The following COL4A1 variants were observed in gnomAD, a reference collection of about 807,000 sequenced individuals.
COL4A1 encodes the protein collagen type IV alpha 1 chain.
COL4A1 carries 40 observed loss-of-function variants against 216.6 expected under a neutral mutation model. That is an observed-to-expected ratio of 0.18 (90% CI 0.14 to 0.24). COL4A1 has a LOEUF of 0.24. Among genes scored for constraint, COL4A1 ranks in the 10% least tolerant of loss-of-function variants. COL4A1 has a pLI of 1.00. For missense variants in COL4A1, 1,628 were observed against 2,196.8 expected, an observed-to-expected ratio of 0.74 and a Z score of 5.18; for synonymous variants, 839 against 810.7, an observed-to-expected ratio of 1.03 and a Z score of -0.59.
At chr13:110,264,910 G>A (rs1001580483) in intron 1 of COL4A1, among the ~76,000 whole-genome samples, 2 of 152,188 alleles carry the variant, frequency 1.3e-5, no homozygotes, top group African/African-American at 4.8e-5. Flanking sequence ...CTGAGATCTG[G>A]GACATGCTTT....
In COL4A1 at chr13:110,261,054, A is replaced by AAAAG. The variant is rs55876963; in HGVS notation, c.85-18321_85-18320insCTTT. ...TCCGTCTCAAAAAAAAAAAAAAAAA[A>AAAAG]GGCCAAAATAGTACATTTTCTGTTA... On this transcript the variant is annotated intron_variant, in intron 1 of 51. Transcript: ENST00000375820. 4.4e-4 allele frequency among the ~76,000 whole-genome samples: 66 copies of AAAAG among 148,506 alleles called. 1 individual carries two copies. Among genetic ancestry groups the AAAAG allele is most frequent in the Non-Finnish European group, 8.2e-4 (55 of 66,984 alleles).
At chr13:110,212,738 C>A in intron 4 of COL4A1, 120 bp from the exon 5 acceptor site, 1 of 1,156,992 alleles carries the variant, frequency 8.6e-7, no homozygotes, top group South Asian at 1.3e-5. Context: ...ACACACAAAG[C>A]AGACAGAGCA....
chr13:110,300,002 A>C (rs1884429255), intron 1 of COL4A1, among the ~76,000 whole-genome samples: 1 of 152,244 alleles, frequency 6.6e-6, no homozygotes, highest in Non-Finnish European at 1.5e-5. Context: ...TTACTTGCAC[A>C]CAAGGGAACT....
At chr13:110,278,934 A>G (rs1354359677) in intron 1 of COL4A1, among the ~76,000 whole-genome samples, 1 of 152,076 alleles carries the variant, frequency 6.6e-6, no homozygotes, top group Non-Finnish European at 1.5e-5. Flanking sequence ...TTTTTCCTGT[A>G]AAATATCTTC....
At chr13:110,177,603 C>T (rs1034158469) in intron 33 of COL4A1, among the ~76,000 whole-genome samples, 1 of 152,074 alleles carries the variant, frequency 6.6e-6, no homozygotes, top group African/African-American at 2.4e-5. Flanking sequence ...TCATCTGTGC[C>T]AAGAAGGAAA....
In COL4A1 at chr13:110,255,204, A is replaced by C. The variant is rs574622036; in HGVS notation, c.85-12470T>G. Reference sequence around the variant, plus strand: ...AGCTGCCTGTGCCCACAAAAGGCCAAGTGTTTTCCACCTCATTTTCTAGCA... The same window carrying C: ...AGCTGCCTGTGCCCACAAAAGGCCACGTGTTTTCCACCTCATTTTCTAGCA... On this transcript the variant is annotated intron_variant, in intron 1 of 51. Transcript: ENST00000375820. Among the ~76,000 whole-genome samples, 543 of 152,318 alleles carry C rather than the reference A, an allele frequency of 3.6e-3. 2 individuals are homozygous for C. Among genetic ancestry groups the C allele is most frequent in the Non-Finnish European group, 4.4e-3 (297 of 68,026 alleles).
intron 1 of COL4A1, among the ~76,000 whole-genome samples, chr13:110,252,155 C>T (rs1388453190): frequency 6.6e-6 from 1 of 152,050 alleles, no homozygotes; most frequent in Non-Finnish European, 1.5e-5. Flanking sequence ...TCCCAAGTAG[C>T]TGGGATTACA....
chr13:110,263,985 AAAAG>A (rs1882927486), intron 1 of COL4A1, among the ~76,000 whole-genome samples: 1 of 152,240 alleles, frequency 6.6e-6, no homozygotes, highest in African/African-American at 2.4e-5. Context: ...AAACTGTATC[AAAAG>A]AAAAAGTTCA....
intron 1 of COL4A1, among the ~76,000 whole-genome samples, chr13:110,269,356 G>A (rs552065577): frequency 1.3e-5 from 2 of 152,168 alleles, no homozygotes; most frequent in African/African-American, 2.4e-5. Flanking sequence ...TTTTTCCTAC[G>A]ACATAGAGAG....
chr13:110,278,520 A>G lies in COL4A1; in HGVS notation c.84+28424T>C, dbSNP rs200319766. ...TTTGGGTGTGCTCATTCATTCATCC[A>G]TTCATTCATTCTTCTAATCATTATA... On this transcript the variant is annotated intron_variant, in intron 1 of 51. Transcript: ENST00000375820. Among the ~76,000 whole-genome samples the G allele has an allele frequency of 2.0e-5, 3 of 152,322 alleles. No homozygotes were observed. The East Asian group carries it at 5.8e-4, about 29-fold the overall frequency.
intron 1 of COL4A1, among the ~76,000 whole-genome samples, chr13:110,244,654 G>A (rs978577022): frequency 1.3e-5 from 2 of 152,066 alleles, no homozygotes; most frequent in South Asian, 2.1e-4. Flanking sequence ...TGGCTCCTGC[G>A]AATTGCTGAC....
intron 1 of COL4A1, among the ~76,000 whole-genome samples, chr13:110,243,644 T>A (rs1881661084): frequency 6.6e-6 from 1 of 152,176 alleles, no homozygotes. Flanking sequence ...ACATAAAAAT[T>A]AACTTTTAAA....
chr13:110,226,857 G>A (rs1223750373), intron 2 of COL4A1, among the ~76,000 whole-genome samples: 1 of 152,144 alleles, frequency 6.6e-6, no homozygotes, highest in African/African-American at 2.4e-5. Context: ...AAACTGAATA[G>A]ATAAGAAAAG....
At chr13:110,297,499 T>C (rs1348392436) in intron 1 of COL4A1, among the ~76,000 whole-genome samples, 1 of 152,204 alleles carries the variant, frequency 6.6e-6, no homozygotes, top group African/African-American at 2.4e-5. Flanking sequence ...AAACAGCTAG[T>C]TGCTGTTTGG....
chr13:110,208,522 G>A (rs572589468), intron 12 of COL4A1, among the ~76,000 whole-genome samples: 13 of 152,300 alleles, frequency 8.5e-5, no homozygotes, highest in Admixed American at 5.2e-4. Context: ...TAATGGTCAA[G>A]TCCTAAATTT....
chr13:110,221,786 A>G (rs546828719), intron 2 of COL4A1, among the ~76,000 whole-genome samples: 1 of 152,364 alleles, frequency 6.6e-6, no homozygotes, highest in South Asian at 2.1e-4. Context: ...ATTGTTAAAC[A>G]GAACCATTTT....
chr13:110,202,720 T>C (rs1214650887), intron 18 of COL4A1, among the ~76,000 whole-genome samples: 1 of 152,212 alleles, frequency 6.6e-6, no homozygotes, highest in Non-Finnish European at 1.5e-5. Flanking sequence ...CTGAAAATGA[T>C]CACCATGAAG....
At position 110,219,936 on chromosome 13, in the gene COL4A1, G is replaced by A. The variant is rs1023599397; in HGVS notation, c.145-5921C>T. 1.3e-3 allele frequency among the ~76,000 whole-genome samples: 130 copies of A among 99,146 alleles called. 7 individuals carry two copies. Among genetic ancestry groups the A allele is most frequent in the African/African-American group, 4.0e-3 (100 of 24,900 alleles). The allele number at this position is 99,146 out of a possible 152,430, so 65.0% of individuals were successfully genotyped here. A position where few individuals can be genotyped will look rare whatever the true frequency, so the allele number is the denominator to read the frequency against. On this transcript the variant is annotated intron_variant, in intron 2 of 51. Coordinates refer to ENST00000375820, the MANE Select transcript of COL4A1 (RefSeq NM_001845.6). ...TGTGTGTATATATATGTATGTATAT[G>A]TGTGTGTATATATACACATACATAC...
In COL4A1 at chr13:110,175,176, G is replaced by A. The variant is rs1384540765; in HGVS notation, c.3198+42C>T. The A allele has an allele frequency of 1.1e-5, 18 of 1,611,884 alleles. 1 individual carries two copies. The African/African-American group carries it at 1.6e-4, about 14-fold the overall frequency. On this transcript the variant is annotated intron_variant, in intron 37 of 51. Transcript: ENST00000375820. ...GCATTTCTCAGGCAGCATCTCCACT[G>A]AGCTGGGAGAAGGGGACCTTTCCAC... is the stretch of plus-strand genomic sequence containing the variant.
Sources: allele counts gnomAD v4.1 joint callset (sites outside exome capture counted in the v4.1 genomes callset), GRCh38; gene constraint gnomAD v4.1.1; transcripts MANE v1.5; gene names NCBI Gene and HGNC (gene_info 2026-07-23, HGNC 2026-07-21).